SEMA6A: variants seen among roughly 807,000 people sequenced by gnomAD.
SEMA6A encodes the protein semaphorin-6A.
Under a neutral mutation model 96.8 loss-of-function variants are expected in SEMA6A, and 25 were observed. The ratio of observed to expected loss-of-function variants is 0.26; its 90% CI spans 0.19 to 0.36. The LOEUF (loss-of-function observed/expected upper bound fraction) is 0.36. SEMA6A is among the 10% of genes least tolerant of loss of function. The pLI, the probability that SEMA6A is intolerant of heterozygous loss-of-function variation, is 1.00. For synonymous variants in SEMA6A, 612 were observed against 518.0 expected (o/e 1.18, Z -2.46); for missense variants, 1,363 against 1,323.1 (o/e 1.03, Z -0.47).
chr5:116,549,424 G>C (rs1005317673), intron 1 of SEMA6A, among the ~76,000 whole-genome samples: 30 of 152,132 alleles, frequency 2.0e-4, no homozygotes, highest in Non-Finnish European at 3.1e-4. Context: ...TCATGGATTT[G>C]GAAGGGGAAA....
chr5:116,507,128 C>T (rs1447389791), intron 1 of SEMA6A, among the ~76,000 whole-genome samples: 1 of 152,186 alleles, frequency 6.6e-6, no homozygotes, highest in Non-Finnish European at 1.5e-5. Flanking sequence ...ATTTAAGTAT[C>T]TCCAGGTTTA....
chr5:116,560,942 G>A (rs965483680), intron 1 of SEMA6A, among the ~76,000 whole-genome samples: 9 of 152,126 alleles, frequency 5.9e-5, no homozygotes, highest in African/African-American at 2.2e-4. Context: ...TCACTTCTAT[G>A]TAATAGGAAA....
intron 1 of SEMA6A, among the ~76,000 whole-genome samples, chr5:116,560,892 T>C (rs1171249708): frequency 2.0e-5 from 3 of 152,136 alleles, no homozygotes; most frequent in African/African-American, 7.2e-5. Context: ...TCAGACGAAA[T>C]CCTCAAAAAG....
Position 116,513,475 on chromosome 5 carries a change from C to G in SEMA6A, c.-38-8493G>C, listed in dbSNP as rs1247243121. On this transcript the variant is annotated intron_variant, in intron 1 of 18. Coordinates refer to ENST00000343348, the MANE Select transcript of SEMA6A (RefSeq NM_020796.5). The stretch of plus-strand genomic sequence containing the variant: ...ATCTAAACCTTTAGTTTTAGAATTC[C>G]AGACCTGATTTTGTACAATTCCTCT... Among the ~76,000 whole-genome samples the G allele has an allele frequency of 3.9e-5, 6 of 152,210 alleles. No individual in the cohort carries two copies. The East Asian group carries it at 1.2e-3, about 29-fold the overall frequency.
intron 18 of SEMA6A, among the ~76,000 whole-genome samples, chr5:116,464,728 T>G (rs1271196125): frequency 6.6e-6 from 1 of 151,924 alleles, no homozygotes; most frequent in East Asian, 1.9e-4. Flanking sequence ...CAGGATTAAA[T>G]CAAGACGAAA....
chr5:116,530,360 G>A (rs531381355), intron 1 of SEMA6A, among the ~76,000 whole-genome samples: 1 of 152,200 alleles, frequency 6.6e-6, no homozygotes, highest in Non-Finnish European at 1.5e-5. Flanking sequence ...TTTTTAATAT[G>A]TATTTTCTCT....
intron 16 of SEMA6A, among the ~76,000 whole-genome samples, chr5:116,473,794 A>G (rs954123874): frequency 2.0e-5 from 3 of 152,222 alleles, no homozygotes; most frequent in South Asian, 2.1e-4. Flanking sequence ...GAGGTAGTTC[A>G]TGCTTCAGCA....
chr5:116,547,795 A>G (rs1205052909), intron 1 of SEMA6A, among the ~76,000 whole-genome samples: 1 of 151,100 alleles, frequency 6.6e-6, no homozygotes. Context: ...CCGTGAATGT[A>G]AAGTGTTCTG....
rs1418870763 is a variant in SEMA6A, at chr5:116,489,016, A to G, written c.536-9T>C. The stretch of plus-strand genomic sequence containing the variant: ...TGAGTATAGTTTTCCATCTTAGAAG[A>G]AAAAGAAAAGAGGTGAACAGGGTGG... On this transcript the variant is annotated splice_polypyrimidine_tract_variant and intron_variant, in intron 7 of 18. Transcript: ENST00000343348. 1.9e-6 allele frequency: 3 copies of G among 1,557,034 alleles called. No individual in the cohort carries two copies. Among genetic ancestry groups the G allele is most frequent in the African/African-American group, 2.7e-5 (2 of 73,468 alleles).
At position 116,443,849 on chromosome 5, in the gene SEMA6A, CTG is replaced by C. The variant is rs1245958959; in HGVS notation, c.*2762_*2763del. On this transcript the variant is annotated 3_prime_UTR_variant, in exon 19 of 19. Transcript: ENST00000343348. ...CCCCCACACACAGTGGGGAAAAAAA[CTG>C]GGGAGAAATACTTAAATGCAGAAGA... 6.6e-6 allele frequency: 1 copy of C among 152,534 alleles called. No homozygotes were observed. The highest frequency in any genetic ancestry group is 1.5e-5 in the Non-Finnish European group (1 of 68,028). The allele number at this position is 152,534 out of a possible 1,614,324, so 9.4% of individuals were successfully genotyped here. A position where few individuals can be genotyped will look rare whatever the true frequency, so the allele number is the denominator to read the frequency against.
chr5:116,537,025 T>C (rs1759746996), intron 1 of SEMA6A, among the ~76,000 whole-genome samples: 1 of 152,198 alleles, frequency 6.6e-6, no homozygotes, highest in Non-Finnish European at 1.5e-5. Context: ...TAGGCGTTCC[T>C]TTAAACCAAG....
chr5:116,468,795 G>A (rs1408414871), intron 17 of SEMA6A: 1 of 152,118 alleles, frequency 6.6e-6, no homozygotes, highest in East Asian at 1.9e-4. Context: ...AGATACAAGG[G>A]CAACTACTGT....
intron 1 of SEMA6A, among the ~76,000 whole-genome samples, chr5:116,513,867 A>C (rs1758539555): frequency 6.6e-6 from 1 of 152,174 alleles, no homozygotes; most frequent in Non-Finnish European, 1.5e-5. Flanking sequence ...ACTTGTAAGT[A>C]AGAACATGCG....
At chr5:116,491,935 C>G in intron 6 of SEMA6A, 105 bp from the exon 7 acceptor site, 2 of 897,348 alleles carry the variant, frequency 2.2e-6, no homozygotes, top group Non-Finnish European at 3.7e-6. Flanking sequence ...AATCTGTAAT[C>G]ACTTTGAGAT....
At chr5:116,560,780 G>A (rs1156687375) in intron 1 of SEMA6A, among the ~76,000 whole-genome samples, 1 of 151,890 alleles carries the variant, frequency 6.6e-6, no homozygotes, top group African/African-American at 2.4e-5. Flanking sequence ...GGGTGATTTT[G>A]ACTCAAGACA....
At chr5:116,559,319 AAGG>A (rs1760720999) in intron 1 of SEMA6A, among the ~76,000 whole-genome samples, 1 of 152,196 alleles carries the variant, frequency 6.6e-6, no homozygotes, top group Non-Finnish European at 1.5e-5. Flanking sequence ...CCCAGTCCGC[AAGG>A]CCTGGTGCGT....
rs144298060 is a variant in SEMA6A, at chr5:116,500,296, C to T, written c.218+1914G>A. Among the ~76,000 whole-genome samples the T allele has an allele frequency of 3.9e-4, 59 of 152,260 alleles. 1 individual carries two copies. Among genetic ancestry groups the T allele is most frequent in the African/African-American group, 1.3e-3 (56 of 41,538 alleles). On this transcript the variant is annotated intron_variant, in intron 3 of 18. Transcript: ENST00000343348. ...GGGAATGACAGCATGGACTCTAGAG[C>T]GAGACCATCCTGGTTCAAATCCTGC...
chr5:116,483,861 C>T (rs1756911263), intron 10 of SEMA6A, among the ~76,000 whole-genome samples: 1 of 152,034 alleles, frequency 6.6e-6, no homozygotes, highest in Non-Finnish European at 1.5e-5. Flanking sequence ...ATCATGAGTT[C>T]AAGACCAGAG....
chr5:116,509,491 C>T (rs1415544640), intron 1 of SEMA6A, among the ~76,000 whole-genome samples: 1 of 152,164 alleles, frequency 6.6e-6, no homozygotes, highest in Admixed American at 6.5e-5. Flanking sequence ...CTCCTAGTCT[C>T]CTCACCTGTA....
Sources: gnomAD v4.1 joint callset for allele counts (sites outside exome capture counted in the v4.1 genomes callset) on GRCh38, gnomAD v4.1.1 for gene constraint, MANE v1.5 for transcripts, NCBI Gene and HGNC (gene_info 2026-07-23, HGNC 2026-07-21) for gene names.